The following DNAH5 variants were observed in gnomAD, a reference collection of about 807,000 sequenced individuals.
DNAH5 encodes axonemal beta dynein heavy chain 5.
In DNAH5, 372 loss-of-function variants were observed where a neutral mutation model predicts 518.2. The observed-to-expected ratio is 0.72, with a 90% confidence interval of 0.66 to 0.78. The LOEUF (loss-of-function observed/expected upper bound fraction) is 0.78, where lower values mean the gene tolerates loss of function less well. DNAH5 is among the 30% of genes least tolerant of loss of function. The pLI is 0.00. For synonymous variants in DNAH5, 2,039 were observed against 2,025.9 expected, an observed-to-expected ratio of 1.01 and a Z score of -0.17; for missense variants, 5,523 against 5,687.0, an observed-to-expected ratio of 0.97 and a Z score of 0.93.
chr5:13,775,322 G>A (rs1753928394), intron 55 of DNAH5, among the ~76,000 whole-genome samples: 1 of 151,922 alleles, frequency 6.6e-6, no homozygotes, highest in African/African-American at 2.4e-5. Context: ...ACTGTCAATA[G>A]TGAAGCGCTG....
intron 12 of DNAH5, among the ~76,000 whole-genome samples, chr5:13,906,421 C>CTTAA (rs1212662113): frequency 1.3e-5 from 2 of 152,120 alleles, no homozygotes; most frequent in Non-Finnish European, 2.9e-5. Flanking sequence ...TACAACTTCT[C>CTTAA]TTTAAAAAGT....
chr5:13,760,855 T>C (rs540409648), intron 60 of DNAH5, among the ~76,000 whole-genome samples: 16 of 152,356 alleles, frequency 1.1e-4, no homozygotes, highest in Middle Eastern at 3.4e-3. Flanking sequence ...TTTCTTAATA[T>C]ATTCAACAGA....
chr5:13,937,603 AG>A lies in DNAH5; in HGVS notation c.58-6360del, dbSNP rs528879910. Among the ~76,000 whole-genome samples the A allele has an allele frequency of 2.6e-3, 397 of 152,046 alleles. 2 individuals are homozygous for A. The highest frequency in any genetic ancestry group is 3.7e-3 in the South Asian group (18 of 4,808). On this transcript the variant is annotated intron_variant, in intron 1 of 78. Coordinates refer to ENST00000265104, the MANE Select transcript of DNAH5 (RefSeq NM_001369.3). ...TTATCGACATCATACTGCATATACC[AG>A]GTCCTCATACAATACCTTTGCACGG...
chr5:13,869,259 A>T (rs1342628184), intron 24 of DNAH5, among the ~76,000 whole-genome samples: 1 of 152,186 alleles, frequency 6.6e-6, no homozygotes, highest in Non-Finnish European at 1.5e-5. Flanking sequence ...GATCTCGACC[A>T]TCAGAGTATA....
At chr5:13,793,861 A>G (rs1486851186) in intron 48 of DNAH5, 75 bp downstream of exon 48, 4 of 1,562,704 alleles carry the variant, frequency 2.6e-6, no homozygotes, top group Non-Finnish European at 3.5e-6. Flanking sequence ...AACTTAAAAA[A>G]AATTTTTAAA....
chr5:13,775,612 A>C (rs372732402), intron 55 of DNAH5, among the ~76,000 whole-genome samples: 1 of 152,092 alleles, frequency 6.6e-6, no homozygotes, highest in Non-Finnish European at 1.5e-5. Context: ...GCAACCCTCA[A>C]CTTCATGCTC....
At chr5:13,806,486 C>G (rs12657458) in intron 47 of DNAH5, among the ~76,000 whole-genome samples, 3 of 152,030 alleles carry the variant, frequency 2.0e-5, no homozygotes, top group South Asian at 2.1e-4. Context: ...TTTAACCATG[C>G]CTTCAACAAG....
chr5:13,975,925 C>A (rs1316814617), intron 1 of DNAH5, among the ~76,000 whole-genome samples: 1 of 152,210 alleles, frequency 6.6e-6, no homozygotes, highest in Non-Finnish European at 1.5e-5. Context: ...AATCCCAGCA[C>A]TTTGGGAGGC....
chr5:13,839,213 A>G (rs1193521095), intron 35 of DNAH5, 143 bp downstream of exon 35: 2 of 717,492 alleles, frequency 2.8e-6, no homozygotes, highest in Non-Finnish European at 2.3e-6. Context: ...TGTGAAAAGA[A>G]AGCTGATAAT....
intron 44 of DNAH5, 60 bp from the exon 45 acceptor site, chr5:13,810,320 G>A: frequency 7.1e-7 from 1 of 1,409,738 alleles, no homozygotes; most frequent in Non-Finnish European, 9.8e-7. Context: ...CGTTGCTCTA[G>A]GGTTTCAATG....
At chr5:13,758,644 A>C (rs1250595493) in intron 61 of DNAH5, among the ~76,000 whole-genome samples, 1 of 152,200 alleles carries the variant, frequency 6.6e-6, no homozygotes, top group Non-Finnish European at 1.5e-5. Context: ...ACCACTAACA[A>C]AGAAACTCAG....
intron 31 of DNAH5, among the ~76,000 whole-genome samples, chr5:13,850,179 A>C (rs1385666887): frequency 6.6e-6 from 1 of 151,186 alleles, no homozygotes; most frequent in Non-Finnish European, 1.5e-5. Flanking sequence ...GGAAAAAAAA[A>C]CAAACAAAAA....
Position 13,721,991 on chromosome 5 carries a change from C to G in DNAH5, c.12034-746G>C, listed in dbSNP as rs114335606. ...TCCACCTTCTAAATAATTAAATTCC[C>G]TCAAAAACATTTTTCCTCCTATTCT... On this transcript the variant is annotated intron_variant, in intron 70 of 78. Coordinates refer to ENST00000265104, the MANE Select transcript of DNAH5 (RefSeq NM_001369.3). 7.5e-3 allele frequency among the ~76,000 whole-genome samples: 1,144 copies of G among 152,252 alleles called. 12 individuals are homozygous for G. The highest frequency in any genetic ancestry group is 0.026 in the African/African-American group (1,063 of 41,514).
At chr5:13,883,914 T>C (rs375415074) in intron 19 of DNAH5, among the ~76,000 whole-genome samples, 2 of 152,198 alleles carry the variant, frequency 1.3e-5, no homozygotes, top group Admixed American at 6.5e-5. Flanking sequence ...AATTAAATAT[T>C]GAAGATGCTT....
chr5:13,926,712 G>T (rs1777907851), intron 3 of DNAH5, among the ~76,000 whole-genome samples: 1 of 152,194 alleles, frequency 6.6e-6, no homozygotes, highest in Admixed American at 6.5e-5. Context: ...TCACCAGTGA[G>T]AAGATTTAAA....
rs1162082114 is a variant in DNAH5 at position 13,752,200 on chromosome 5, C to T, written c.10962G>A (p.Glu3654=). ...GRPLLIEDVG[E]ELDPALDNVL... ...CATTATCTAGTGCTGGATCTAGTTC[C>T]TCTCCAACATCTTCAATAAGCAAAG... The change falls in exon 64 of 79, where the codon GAG becomes GAA. Residue 3654 remains glutamate (E), a synonymous_variant. Transcript: ENST00000265104. 3.7e-6 allele frequency: 6 copies of T among 1,613,884 alleles called. No individual in the cohort carries two copies. Among genetic ancestry groups the T allele is most frequent in the Admixed American group, 3.3e-5 (2 of 59,982 alleles).
chr5:13,980,785 A>C (rs772347945), intron 1 of DNAH5, among the ~76,000 whole-genome samples: 1 of 151,844 alleles, frequency 6.6e-6, no homozygotes, highest in Non-Finnish European at 1.5e-5. Context: ...AATCATCCCA[A>C]TACCTCTCCT....
At chr5:13,724,834 T>C (rs111422613) in intron 70 of DNAH5, among the ~76,000 whole-genome samples, 18 of 152,336 alleles carry the variant, frequency 1.2e-4, no homozygotes, top group African/African-American at 4.3e-4. Context: ...TCTGCCATGA[T>C]TGAAAGTTTC....
chr5:13,766,061 A>G lies in DNAH5; in HGVS notation c.10016T>C (p.Ile3339Thr), dbSNP rs1178984645. 1.9e-6 allele frequency: 3 copies of G among 1,614,158 alleles called. No individual in the cohort carries two copies. Among genetic ancestry groups the G allele is most frequent in the Non-Finnish European group, 2.5e-6 (3 of 1,180,016 alleles). ...LFQRKVSAVK[I>T]DLEKSCTMPS... ...CATGGTACAGCTTTTTTCCAGGTCA[A>G]TTTTCACAGCACTGACTTTCCTTTG... Residue 3339 changes from isoleucine to threonine, a missense_variant, in exon 59 of 79, where the codon ATT becomes ACT. This residue lies in a region of DNAH5 where 5,121 missense variants were observed against 5,223.3 expected (regional missense o/e 0.98). Coordinates refer to ENST00000265104, the MANE Select transcript of DNAH5 (RefSeq NM_001369.3).
Sources: gnomAD v4.1 joint callset for allele counts (sites outside exome capture counted in the v4.1 genomes callset) on GRCh38, gnomAD v4.1.1 for gene constraint, gnomAD v4.1.1 regional missense constraint, MANE v1.5 for transcripts, NCBI Gene and HGNC (gene_info 2026-07-23, HGNC 2026-07-21) for gene names.